ADAMTS6: variants seen among roughly 807,000 people sequenced by gnomAD.
ADAMTS6 encodes the protein ADAM metallopeptidase with thrombospondin type 1 motif 6, also known as A disintegrin and metalloproteinase with thrombospondin motifs 6.
A neutral mutation model predicts 144.3 loss-of-function variants in ADAMTS6; 23 were observed. The ratio of observed to expected loss-of-function variants is 0.16; its 90% CI spans 0.11 to 0.23. The LOEUF is 0.23. Ranked by LOEUF, ADAMTS6 falls within the 10% of genes least tolerant of loss-of-function variation. ADAMTS6 has a pLI of 1.00. For missense variants in ADAMTS6, 999 were observed against 1,379.6 expected, an observed-to-expected ratio of 0.72 and a Z score of 4.37; for synonymous variants, 444 against 457.5, an observed-to-expected ratio of 0.97 and a Z score of 0.38.
At position 65,460,218 on chromosome 5, in the gene ADAMTS6, C is replaced by A. The variant is rs781743163; in HGVS notation, c.583G>T (p.Ala195Ser). 3.1e-6 allele frequency: 5 copies of A among 1,614,102 alleles called. No homozygotes were observed. Among genetic ancestry groups the A allele is most frequent in the Non-Finnish European group, 4.2e-6 (5 of 1,179,980 alleles). ...TCATACAGATGTCGTTGTTGAAGGG[C>A]AGACTTTTTGTAAATAACATGAGGG... is the stretch of plus-strand genomic sequence containing the variant. ...GHPHVIYKKSALQQRHLYDHS... is the reference protein window; with the variant it reads ...GHPHVIYKKSSLQQRHLYDHS... The change falls in exon 4 of 25, where the codon GCC (alanine) becomes TCC (serine). Residue 195 changes from alanine (A) to serine (S), a missense_variant. Coordinates refer to ENST00000381055, the MANE Select transcript of ADAMTS6 (RefSeq NM_197941.4).
intron 11 of ADAMTS6, among the ~76,000 whole-genome samples, chr5:65,280,290 T>A (rs997991532): frequency 1.3e-5 from 2 of 152,202 alleles, no homozygotes; most frequent in Non-Finnish European, 2.9e-5. Flanking sequence ...AGAAACCTCT[T>A]TCATAAAAAT....
intron 7 of ADAMTS6, among the ~76,000 whole-genome samples, chr5:65,413,451 A>C (rs1262500232): frequency 6.6e-6 from 1 of 152,174 alleles, no homozygotes; most frequent in Non-Finnish European, 1.5e-5. Context: ...TCTTTTAATA[A>C]TATTGTAAAC....
At chr5:65,350,210 T>C (rs143337707) in intron 7 of ADAMTS6, among the ~76,000 whole-genome samples, 1 of 152,308 alleles carries the variant, frequency 6.6e-6, no homozygotes, top group East Asian at 1.9e-4. Context: ...AGTGTAAAAT[T>C]TTCCTCATAT....
At chr5:65,239,855 G>C (rs1224043577) in intron 15 of ADAMTS6, among the ~76,000 whole-genome samples, 2 of 152,156 alleles carry the variant, frequency 1.3e-5, no homozygotes, top group African/African-American at 4.8e-5. Context: ...ACCAAATATT[G>C]ACAAGGATGC....
At chr5:65,360,557 GA>G (rs1233167592) in intron 7 of ADAMTS6, among the ~76,000 whole-genome samples, 1 of 150,752 alleles carries the variant, frequency 6.6e-6, no homozygotes, top group Non-Finnish European at 1.5e-5. Flanking sequence ...TAGAGCTGAG[GA>G]AAAAACAAGA....
At position 65,183,282 on chromosome 5, in the gene ADAMTS6, T is replaced by A. The variant is rs112921546; in HGVS notation, c.2910+4734A>T. Among the ~76,000 whole-genome samples the A allele has an allele frequency of 4.7e-3, 718 of 152,324 alleles. 7 individuals carry two copies. The highest frequency in any genetic ancestry group is 0.034 in the Middle Eastern group (10 of 294). On this transcript the variant is annotated intron_variant, in intron 22 of 24. Transcript: ENST00000381055. ...ACAGAATCCCTTCCTTATCCACAGT[T>A]TCATTTTCCAGTTTCAGTTGCCAAC...
intron 9 of ADAMTS6, among the ~76,000 whole-genome samples, chr5:65,312,523 G>T (rs565831208): frequency 6.6e-6 from 1 of 152,066 alleles, no homozygotes; most frequent in Admixed American, 6.6e-5. Context: ...AACAGAGTTT[G>T]GAATTTAATT....
chr5:65,197,166 G>T lies in ADAMTS6; in HGVS notation c.2576-15C>A. 1 of 1,612,086 alleles carries T rather than the reference G, an allele frequency of 6.2e-7. No homozygotes were observed. Among genetic ancestry groups the T allele is most frequent in the South Asian group, 1.1e-5 (1 of 90,752 alleles). ...TCTTTGGACACCTTGAGAAAAGGAGGACATCATTAATTGAAGAGAAGTTTA... is the reference window on the plus strand; with the variant it reads ...TCTTTGGACACCTTGAGAAAAGGAGTACATCATTAATTGAAGAGAAGTTTA... On this transcript the variant is annotated splice_polypyrimidine_tract_variant and intron_variant, in intron 20 of 24. Coordinates refer to ENST00000381055, the MANE Select transcript of ADAMTS6 (RefSeq NM_197941.4).
intron 13 of ADAMTS6, among the ~76,000 whole-genome samples, 172 bp downstream of exon 13, chr5:65,262,645 G>A (rs75966043): frequency 0.023 from 3,468 of 152,242 alleles, 124 homozygotes; most frequent in African/African-American, 0.079. Context: ...AAAGGAAGAA[G>A]AAGAAAGTCT....
intron 22 of ADAMTS6, among the ~76,000 whole-genome samples, chr5:65,180,438 A>T (rs1219014478): frequency 6.6e-6 from 1 of 152,056 alleles, no homozygotes; most frequent in East Asian, 1.9e-4. Context: ...TATCCTCATA[A>T]CCTGGTGCTG....
Position 65,405,203 on chromosome 5 carries a change from G to A in ADAMTS6, c.1073+46272C>T, listed in dbSNP as rs559280220. ...TGTTGCCATTGCTTTAGGTGTTTTA[G>A]ACATGAAGTCCTTGCCTATGCCTAT... On this transcript the variant is annotated intron_variant, in intron 7 of 24. Transcript: ENST00000381055. 2.6e-5 allele frequency among the ~76,000 whole-genome samples: 4 copies of A among 152,306 alleles called. No individual in the cohort carries two copies. In the East Asian group the frequency reaches 7.7e-4, roughly 29 times the overall value.
intron 7 of ADAMTS6, among the ~76,000 whole-genome samples, chr5:65,358,799 G>T (rs1749574344): frequency 6.6e-6 from 1 of 152,024 alleles, no homozygotes; most frequent in Non-Finnish European, 1.5e-5. Context: ...TTCAATAAAT[G>T]GTGCTGGAAA....
chr5:65,474,796 C>CAA lies in ADAMTS6; in HGVS notation c.-279-846_-279-845dup, dbSNP rs11330695. On this transcript the variant is annotated intron_variant, in intron 1 of 24. Coordinates refer to ENST00000381055, the MANE Select transcript of ADAMTS6 (RefSeq NM_197941.4). ...TAGCCACAAACAGCCAAACTGTGAC[C>CAA]AAAAAAAAAAAAAAAAAAAAGGATA... is the stretch of plus-strand genomic sequence containing the variant. 4.1e-3 allele frequency among the ~76,000 whole-genome samples: 323 copies of CAA among 78,738 alleles called. 4 individuals are homozygous for CAA. Among genetic ancestry groups the CAA allele is most frequent in the Middle Eastern group, 0.02 (2 of 98 alleles). The allele number at this position is 78,738 out of a possible 152,430, so 51.7% of individuals were successfully genotyped here.
In ADAMTS6 at chr5:65,151,813, C is replaced by A. The variant is rs1752150747; in HGVS notation, c.*23G>T. 5 of 1,587,976 alleles carry A rather than the reference C, an allele frequency of 3.1e-6. No homozygotes were observed. The highest frequency in any genetic ancestry group is 4.3e-6 in the Non-Finnish European group (5 of 1,157,864). On this transcript the variant is annotated 3_prime_UTR_variant, in exon 25 of 25. Coordinates refer to ENST00000381055, the MANE Select transcript of ADAMTS6 (RefSeq NM_197941.4). ...GCATTTCCATGATGAAATGACAAGG[C>A]ACTCTCTCTGGCTTTCTGTGGGTCA...
chr5:65,265,547 C>T (rs1399325437), intron 12 of ADAMTS6, among the ~76,000 whole-genome samples: 1 of 151,720 alleles, frequency 6.6e-6, no homozygotes, highest in African/African-American at 2.4e-5. Flanking sequence ...AATAACTGAG[C>T]AGTATAGTCC....
intron 20 of ADAMTS6, among the ~76,000 whole-genome samples, chr5:65,201,986 C>G (rs1755770995): frequency 6.6e-6 from 1 of 152,218 alleles, no homozygotes; most frequent in Non-Finnish European, 1.5e-5. Context: ...TCTCTCCGCT[C>G]TGCCTTTCAC....
rs140977853 is a variant in ADAMTS6, at chr5:65,286,810, A to T, written c.1512+4519T>A. Among the ~76,000 whole-genome samples the T allele has an allele frequency of 4.1e-3, 624 of 152,312 alleles. 2 individuals are homozygous for T. Among genetic ancestry groups the T allele is most frequent in the African/African-American group, 0.013 (553 of 41,584 alleles). ...TCAAAAGATTACCCACAGCCCCTAC[A>T]TTATATAGGCTCATTAGTGACTTCC... is the stretch of plus-strand genomic sequence containing the variant. On this transcript the variant is annotated intron_variant, in intron 11 of 24. Transcript: ENST00000381055.
chr5:65,223,338 T>C (rs1477423024), intron 18 of ADAMTS6, among the ~76,000 whole-genome samples: 2 of 152,222 alleles, frequency 1.3e-5, no homozygotes, highest in Admixed American at 6.5e-5. Context: ...CTTTTTTGTA[T>C]GTGGTGACAA....
rs192957904 is a variant in ADAMTS6, at chr5:65,194,534, T to C, written c.2705+2488A>G. Among the ~76,000 whole-genome samples, 275 of 152,362 alleles carry C rather than the reference T, an allele frequency of 1.8e-3. 4 individuals carry two copies. The highest frequency in any genetic ancestry group is 6.2e-3 in the African/African-American group (257 of 41,590). Reference sequence around the variant, plus strand: ...TTTCAACTTGCAATGTTTTCAACTTTGTATAGGTTTATCAGGATGTAATCC... The same window carrying C: ...TTTCAACTTGCAATGTTTTCAACTTCGTATAGGTTTATCAGGATGTAATCC... On this transcript the variant is annotated intron_variant, in intron 21 of 24. Transcript: ENST00000381055.
Sources: allele counts gnomAD v4.1 joint callset (sites outside exome capture counted in the v4.1 genomes callset), GRCh38; gene constraint gnomAD v4.1.1; transcripts MANE v1.5; gene names NCBI Gene and HGNC (gene_info 2026-07-23, HGNC 2026-07-21).